Variants in CLMP observed in about 807,000 individuals in gnomAD.
The protein encoded by CLMP is CXADR-like membrane protein.
In CLMP, 27 loss-of-function variants were observed where a neutral mutation model predicts 45.2. The observed-to-expected ratio is 0.60, with a 90% confidence interval of 0.44 to 0.82. The LOEUF is 0.82. CLMP is among the 40% of genes least tolerant of loss of function. The probability of loss-of-function intolerance (pLI) is 0.00; values close to 1 mark genes in which losing one functional copy is unlikely to be tolerated. For missense variants in CLMP, 403 were observed against 448.4 expected, an observed-to-expected ratio of 0.90 and a Z score of 0.91; for synonymous variants, 167 against 171.4, an observed-to-expected ratio of 0.97 and a Z score of 0.20.
chr11:123,093,483 A>T (rs1865956245), intron 2 of CLMP, among the ~76,000 whole-genome samples: 1 of 152,008 alleles, frequency 6.6e-6, no homozygotes, highest in South Asian at 2.1e-4. Context: ...AGTAGCTGGG[A>T]TTACAGGTGC....
At chr11:123,096,836 T>G (rs1422733492) in intron 2 of CLMP, among the ~76,000 whole-genome samples, 1 of 152,120 alleles carries the variant, frequency 6.6e-6, no homozygotes, top group Non-Finnish European at 1.5e-5. Context: ...TTAGAAACAG[T>G]GTCTGGGTCT....
At chr11:123,097,712 CAGAA>C in intron 2 of CLMP, 79 bp downstream of exon 2, 1 of 1,117,002 alleles carries the variant, frequency 9.0e-7, no homozygotes, top group Non-Finnish European at 1.3e-6. Flanking sequence ...CTTTCAGAGC[CAGAA>C]AGAAAGACTG....
chr11:123,120,302 T>C (rs1860795710), intron 1 of CLMP, among the ~76,000 whole-genome samples: 1 of 152,130 alleles, frequency 6.6e-6, no homozygotes, highest in African/African-American at 2.4e-5. Context: ...ATAATTCATG[T>C]CATTTTCCCT....
Position 123,157,971 on chromosome 11 carries a change from T to A in CLMP, c.28+36942A>T, listed in dbSNP as rs2212521. ...CCACAGCCATTTCTTTATTACATTA[T>A]TTTTTTCCTGCTGCTTCCAACCCAT... On this transcript the variant is annotated intron_variant, in intron 1 of 6. Coordinates refer to ENST00000448775, the MANE Select transcript of CLMP (RefSeq NM_024769.5). Among the ~76,000 whole-genome samples the A allele has an allele frequency of 5.9e-3, 893 of 152,110 alleles. 53 individuals carry two copies. In the South Asian group the frequency reaches 0.13, roughly 22 times the overall value.
intron 1 of CLMP, among the ~76,000 whole-genome samples, chr11:123,131,965 A>G (rs1276751160): frequency 6.6e-6 from 1 of 152,192 alleles, no homozygotes; most frequent in Non-Finnish European, 1.5e-5. Context: ...AAAATGAGCC[A>G]TCTTTTCACA....
At chr11:123,163,878 C>T (rs1018085215) in intron 1 of CLMP, among the ~76,000 whole-genome samples, 1 of 152,144 alleles carries the variant, frequency 6.6e-6, no homozygotes, top group African/African-American at 2.4e-5. Flanking sequence ...GCTTAAATTT[C>T]GAATCTTTAC....
chr11:123,141,263 C>T (rs906560446), intron 1 of CLMP, among the ~76,000 whole-genome samples: 2 of 139,914 alleles, frequency 1.4e-5, no homozygotes, highest in African/African-American at 2.7e-5. Flanking sequence ...CGGCTCACTG[C>T]AACCTCCGCC....
intron 1 of CLMP, among the ~76,000 whole-genome samples, chr11:123,166,595 C>T (rs921515659): frequency 3.9e-5 from 6 of 152,214 alleles, no homozygotes; most frequent in African/African-American, 1.4e-4. Flanking sequence ...ATGGTGCAGC[C>T]TGAATGTGAG....
Position 123,073,755 on chromosome 11 carries a change from T to C in CLMP, c.841A>G (p.Lys281Glu), listed in dbSNP as rs978593986. 1 of 1,599,288 alleles carries C rather than the reference T, an allele frequency of 6.3e-7. No homozygotes were observed. Among genetic ancestry groups the C allele is most frequent in the African/African-American group, 1.3e-5 (1 of 74,230 alleles). The change falls in exon 7 of 7, where the codon AAA becomes GAA. Residue 281 changes from lysine (K) to glutamate (E), a missense_variant. Coordinates refer to ENST00000448775, the MANE Select transcript of CLMP (RefSeq NM_024769.5). ...NEIREDAEAPKARLVKPSSSS... is the reference protein window; with the variant it reads ...NEIREDAEAPEARLVKPSSSS... ...GAGCTGGGTTTCACAAGACGGGCTT[T>C]TGGAGCTTCAGCATCTTCTCTGAAG...
At chr11:123,118,979 TTCTTTCTTTCTTTCTTTCTTTCTC>T (rs1860763976) in intron 1 of CLMP, among the ~76,000 whole-genome samples, 4 of 45,372 alleles carry the variant, frequency 8.8e-5, no homozygotes, top group East Asian at 1.4e-3. Context: ...CTTTCTTTCT[TTCTTTCTTTCTTTCTTTCTTTCTC>T]TCTCTCTCTC....
At chr11:123,188,592 C>A (rs903950871) in intron 1 of CLMP, among the ~76,000 whole-genome samples, 1 of 152,140 alleles carries the variant, frequency 6.6e-6, no homozygotes, top group African/African-American at 2.4e-5. Flanking sequence ...AAGATAGTTG[C>A]CCATTTTCTC....
intron 1 of CLMP, among the ~76,000 whole-genome samples, chr11:123,144,683 T>A (rs1053416662): frequency 9.9e-5 from 15 of 152,162 alleles, no homozygotes; most frequent in African/African-American, 3.6e-4. Context: ...ATAATGATTT[T>A]TTTTGGTAAA....
At chr11:123,123,242 C>CTTT (rs1860843190) in intron 1 of CLMP, among the ~76,000 whole-genome samples, 1 of 137,068 alleles carries the variant, frequency 7.3e-6, no homozygotes, top group Non-Finnish European at 1.6e-5. Context: ...TTTTTCTTTT[C>CTTT]TTTCTTTCTT....
At chr11:123,180,600 TAAAA>T (rs11353703) in intron 1 of CLMP, among the ~76,000 whole-genome samples, 8 of 137,184 alleles carry the variant, frequency 5.8e-5, no homozygotes, top group African/African-American at 2.7e-5. Flanking sequence ...TGCATAGGAG[TAAAA>T]AAAAAAAAAA....
chr11:123,130,887 G>A (rs12280247), intron 1 of CLMP, among the ~76,000 whole-genome samples: 17,395 of 139,234 alleles, frequency 0.12, 1,220 homozygotes, highest in Admixed American at 0.19. Context: ...CTGTCACCCA[G>A]GCTGGAGTGC....
intron 1 of CLMP, among the ~76,000 whole-genome samples, chr11:123,149,958 C>A (rs1037924482): frequency 6.6e-6 from 1 of 151,770 alleles, no homozygotes; most frequent in African/African-American, 2.4e-5. Context: ...GCGCTCGCCA[C>A]CATGCCTGGC....
At chr11:123,096,295 A>T (rs1365399289) in intron 2 of CLMP, among the ~76,000 whole-genome samples, 3 of 152,136 alleles carry the variant, frequency 2.0e-5, no homozygotes, top group Non-Finnish European at 4.4e-5. Context: ...CGGAGGTGGC[A>T]GTGAGCTGAG....
chr11:123,136,183 G>A (rs2135512664), intron 1 of CLMP: 1 of 635,244 alleles, frequency 1.6e-6, no homozygotes, highest in Admixed American at 1.8e-5. Context: ...AAACTTTCTG[G>A]AACAAAAATC....
chr11:123,082,610 TG>T (rs374565458), intron 5 of CLMP, among the ~76,000 whole-genome samples: 13 of 141,840 alleles, frequency 9.2e-5, no homozygotes, highest in Admixed American at 2.9e-4. Context: ...TGGTTTTTTT[TG>T]TGTGTGTTTT....
Sources: gnomAD v4.1 joint callset for allele counts (sites outside exome capture counted in the v4.1 genomes callset) on GRCh38, gnomAD v4.1.1 for gene constraint, MANE v1.5 for transcripts, NCBI Gene and HGNC (gene_info 2026-07-23, HGNC 2026-07-21) for gene names.